SYT9: variants seen among roughly 807,000 people sequenced by gnomAD.
SYT9 encodes the protein synaptotagmin 9.
Under a neutral mutation model 48.4 loss-of-function variants are expected in SYT9, and 22 were observed. That is an observed-to-expected ratio of 0.45 (90% CI 0.32 to 0.65). SYT9 has a LOEUF of 0.65. Among genes scored for constraint, SYT9 ranks in the 30% least tolerant of loss-of-function variants. The pLI is 0.03. For missense variants in SYT9, 577 were observed against 622.0 expected, an observed-to-expected ratio of 0.93 and a Z score of 0.77; for synonymous variants, 265 against 245.0, an observed-to-expected ratio of 1.08 and a Z score of -0.76.
At chr11:7,352,888 A>G (rs1431748016) in intron 3 of SYT9, among the ~76,000 whole-genome samples, 2 of 152,238 alleles carry the variant, frequency 1.3e-5, no homozygotes, top group Non-Finnish European at 2.9e-5. Flanking sequence ...GATGACATAC[A>G]CTAGGGTGCA....
At chr11:7,390,889 G>GA (rs1850751243) in intron 3 of SYT9, among the ~76,000 whole-genome samples, 1 of 152,098 alleles carries the variant, frequency 6.6e-6, no homozygotes, top group South Asian at 2.1e-4. Flanking sequence ...TGTGTTGTCT[G>GA]ATGCTGAGGT....
At chr11:7,388,795 C>T (rs1029540528) in intron 3 of SYT9, among the ~76,000 whole-genome samples, 2 of 152,070 alleles carry the variant, frequency 1.3e-5, no homozygotes, top group Non-Finnish European at 2.9e-5. Flanking sequence ...TTATAGATTT[C>T]GAGTTTAATT....
intron 3 of SYT9, among the ~76,000 whole-genome samples, chr11:7,403,420 C>T (rs1453187574): frequency 2.0e-5 from 3 of 152,054 alleles, no homozygotes; most frequent in African/African-American, 7.2e-5. Flanking sequence ...GGCATGGTGA[C>T]ATGTGCCTGT....
chr11:7,466,353 G>A (rs1848334163), intron 6 of SYT9, among the ~76,000 whole-genome samples: 2 of 152,114 alleles, frequency 1.3e-5, no homozygotes. Context: ...TTGAAAGCAG[G>A]GGGAGTGTCC....
intron 6 of SYT9, among the ~76,000 whole-genome samples, chr11:7,446,061 G>A (rs1847923156): frequency 6.6e-6 from 1 of 152,264 alleles, no homozygotes; most frequent in African/African-American, 2.4e-5. Flanking sequence ...GGAGCCCCAA[G>A]CTGGGAACCA....
chr11:7,245,423 T>TC (rs1274884087), intron 1 of SYT9, among the ~76,000 whole-genome samples: 3 of 147,584 alleles, frequency 2.0e-5, no homozygotes, highest in Non-Finnish European at 4.5e-5. Context: ...CTTTTCTCTC[T>TC]TTTTTTTTTG....
chr11:7,423,192 C>G (rs939213065), intron 6 of SYT9, among the ~76,000 whole-genome samples: 1 of 152,146 alleles, frequency 6.6e-6, no homozygotes, highest in African/African-American at 2.4e-5. Context: ...TGCCTCTTCC[C>G]CGTTGCTTCC....
chr11:7,464,398 T>C (rs1848292424), intron 6 of SYT9, among the ~76,000 whole-genome samples: 2 of 152,202 alleles, frequency 1.3e-5, no homozygotes, highest in Non-Finnish European at 2.9e-5. Flanking sequence ...CAGAGGGAAT[T>C]GACATAATTG....
chr11:7,349,124 C>G (rs567257822), intron 3 of SYT9, among the ~76,000 whole-genome samples: 21 of 151,986 alleles, frequency 1.4e-4, no homozygotes, highest in African/African-American at 4.8e-4. Flanking sequence ...CAAGTGGGCT[C>G]CTGCTCACTG....
intron 2 of SYT9, among the ~76,000 whole-genome samples, chr11:7,310,726 A>T (rs945503783): frequency 3.9e-5 from 6 of 152,054 alleles, no homozygotes; most frequent in Admixed American, 3.9e-4. Context: ...GATTACAGGC[A>T]TGAGCCACTG....
chr11:7,349,559 G>T lies in SYT9; in HGVS notation c.1044+35618G>T, dbSNP rs1849871919. On this transcript the variant is annotated intron_variant, in intron 3 of 6. Transcript: ENST00000318881. Reference sequence around the variant, plus strand: ...CTACAGGGGCCACCTACTCATCTTAGCAGAGACTCCATACAGCAAGGGCTG... The same window carrying T: ...CTACAGGGGCCACCTACTCATCTTATCAGAGACTCCATACAGCAAGGGCTG... 2.0e-5 allele frequency among the ~76,000 whole-genome samples: 3 copies of T among 152,148 alleles called. No homozygotes were observed. In the South Asian group the frequency reaches 6.2e-4, roughly 31 times the overall value.
intron 3 of SYT9, among the ~76,000 whole-genome samples, chr11:7,332,257 C>T (rs969329780): frequency 6.6e-6 from 1 of 152,150 alleles, no homozygotes; most frequent in African/African-American, 2.4e-5. Flanking sequence ...AGGGGGCCGC[C>T]GTTTTACCCT....
intron 6 of SYT9, among the ~76,000 whole-genome samples, chr11:7,451,243 C>T (rs1848041731): frequency 6.6e-6 from 1 of 152,080 alleles, no homozygotes; most frequent in South Asian, 2.1e-4. Context: ...AACAGAAAGC[C>T]CTTTGTTTTT....
At chr11:7,383,869 C>T (rs975919150) in intron 3 of SYT9, among the ~76,000 whole-genome samples, 2 of 152,158 alleles carry the variant, frequency 1.3e-5, no homozygotes, top group Non-Finnish European at 2.9e-5. Flanking sequence ...TTTTTAAATA[C>T]AAGTGAAGTC....
At chr11:7,316,672 A>G (rs1045136348) in intron 3 of SYT9, among the ~76,000 whole-genome samples, 2 of 152,220 alleles carry the variant, frequency 1.3e-5, no homozygotes, top group Non-Finnish European at 2.9e-5. Flanking sequence ...GAGGTAAGGT[A>G]TACATGTGTT....
chr11:7,406,260 C>G (rs1020473176), intron 3 of SYT9, among the ~76,000 whole-genome samples: 1 of 151,842 alleles, frequency 6.6e-6, no homozygotes, highest in Admixed American at 6.6e-5. Flanking sequence ...AATATTGGAG[C>G]CTATTCTTCT....
chr11:7,466,924 C>A lies in SYT9; in HGVS notation c.*124C>A. 1 of 1,211,168 alleles carries A rather than the reference C, an allele frequency of 8.3e-7. No individual in the cohort carries two copies. The highest frequency in any genetic ancestry group is 1.3e-5 in the South Asian group (1 of 75,992). The allele number at this position is 1,211,168 out of a possible 1,614,324, so 75.0% of individuals were successfully genotyped here. On this transcript the variant is annotated 3_prime_UTR_variant, in exon 7 of 7. Coordinates refer to ENST00000318881, the MANE Select transcript of SYT9 (RefSeq NM_175733.4). ...TCAGTGACCAAATGCTCAGCTGTAACCACAGCACTAACTGGCCTTCTTTCC... is the reference window on the plus strand; with the variant it reads ...TCAGTGACCAAATGCTCAGCTGTAAACACAGCACTAACTGGCCTTCTTTCC...
chr11:7,376,345 T>TTTCCTTCCTTCCTTCCTTCCTTCCTTCC (rs370224542), intron 3 of SYT9, among the ~76,000 whole-genome samples: 22 of 142,770 alleles, frequency 1.5e-4, no homozygotes, highest in South Asian at 4.7e-4. Context: ...TCCCTCTTTC[T>TTTCCTTCCTTCCTTCCTTCCTTCCTTCC]TTCCTTCCTT....
chr11:7,326,708 G>A (rs1304181335), intron 3 of SYT9, among the ~76,000 whole-genome samples: 1 of 121,688 alleles, frequency 8.2e-6, no homozygotes, highest in Non-Finnish European at 1.7e-5. Flanking sequence ...GCATGGTACT[G>A]GTACCAAAAC....
Sources: allele counts gnomAD v4.1 joint callset (sites outside exome capture counted in the v4.1 genomes callset), GRCh38; gene constraint gnomAD v4.1.1; transcripts MANE v1.5; gene names NCBI Gene and HGNC (gene_info 2026-07-23, HGNC 2026-07-21).